The following AGFG1 variants were observed in gnomAD, a reference collection of about 807,000 sequenced individuals.
AGFG1 encodes the protein ArfGAP with FG repeats 1.
Under a neutral mutation model 60.6 loss-of-function variants are expected in AGFG1, and 10 were observed. The ratio of observed to expected loss-of-function variants is 0.16; its 90% confidence interval spans 0.10 to 0.28. The LOEUF is 0.28. Among genes scored for constraint, AGFG1 ranks in the 10% least tolerant of loss-of-function variants. The pLI is 1.00. For synonymous variants in AGFG1, 247 were observed against 242.9 expected, an observed-to-expected ratio of 1.02 and a Z score of -0.16; for missense variants, 537 against 676.5, an observed-to-expected ratio of 0.79 and a Z score of 2.29.
chr2:227,491,583 C>T lies in AGFG1; in HGVS notation c.204C>T (p.Ile68=). ...GLNPPHRVKS[I]SMTTFTQQEI... ...ATCCACCACACAGGGTGAAATCTAT[C>T]TCCATGACAACATTCACACAACAGG... Residue 68 remains isoleucine (I), a synonymous_variant, in exon 2 of 13, where the codon ATC becomes ATT. Coordinates refer to ENST00000310078, the MANE Select transcript of AGFG1 (RefSeq NM_004504.5). 1.3e-6 allele frequency: 2 copies of T among 1,565,828 alleles called. No homozygotes were observed. Among genetic ancestry groups the T allele is most frequent in the South Asian group, 1.2e-5 (1 of 80,306 alleles).
At chr2:227,472,985 CG>C (rs1299904378) in intron 1 of AGFG1, among the ~76,000 whole-genome samples, 38 of 64,722 alleles carry the variant, frequency 5.9e-4, no homozygotes, top group Admixed American at 2.6e-3. Flanking sequence ...GCTAGGAGGC[CG>C]GGGGGGAGGT....
At chr2:227,473,580 G>A (rs568271674) in intron 1 of AGFG1, among the ~76,000 whole-genome samples, 1 of 152,246 alleles carries the variant, frequency 6.6e-6, no homozygotes, top group Admixed American at 6.5e-5. Context: ...GATTTTTATT[G>A]CCGTGCAATT....
rs1232846429 is a variant in AGFG1, at chr2:227,560,277, A to G, written c.*5782A>G. 1 of 152,150 alleles carries G rather than the reference A, an allele frequency of 6.6e-6. No individual in the cohort carries two copies. Among genetic ancestry groups the G allele is most frequent in the Non-Finnish European group, 1.5e-5 (1 of 67,994 alleles). The allele number at this position is 152,150 out of a possible 1,614,324, so 9.4% of individuals were successfully genotyped here. A position where few individuals can be genotyped will look rare whatever the true frequency, so the allele number is the denominator to read the frequency against. On this transcript the variant is annotated 3_prime_UTR_variant, in exon 13 of 13. Transcript: ENST00000310078. ...CTAAAAATATTGTTATAATGATAAT[A>G]TCCTTATGCATATATGAAGATTACT... is the stretch of plus-strand genomic sequence containing the variant.
chr2:227,523,277 G>A (rs928679405), intron 3 of AGFG1, among the ~76,000 whole-genome samples: 2 of 152,000 alleles, frequency 1.3e-5, no homozygotes, highest in Non-Finnish European at 2.9e-5. Flanking sequence ...TGCTTCTTTT[G>A]TTCATTTAAA....
chr2:227,513,961 C>T (rs183587980), intron 2 of AGFG1, among the ~76,000 whole-genome samples: 8 of 152,238 alleles, frequency 5.3e-5, no homozygotes, highest in African/African-American at 1.4e-4. Context: ...ACACATGCTC[C>T]GTGATTCTAC....
chr2:227,541,576 CA>C (rs1437830386), intron 10 of AGFG1, among the ~76,000 whole-genome samples: 3 of 152,176 alleles, frequency 2.0e-5, no homozygotes, highest in Admixed American at 1.3e-4. Flanking sequence ...GTACCAGTAC[CA>C]TGCTGTTTTG....
chr2:227,560,888 C>G lies in AGFG1; in HGVS notation c.*6393C>G, dbSNP rs1233475958. 3 of 152,098 alleles carry G rather than the reference C, an allele frequency of 2.0e-5. No individual in the cohort carries two copies. The highest frequency in any genetic ancestry group is 7.2e-5 in the African/African-American group (3 of 41,442). The allele number at this position is 152,098 out of a possible 1,614,324, so 9.4% of individuals were successfully genotyped here. ...AAAAGTTTATTTTCAATGAAGAATA[C>G]TTGTCCTAATAGCTCATAAAAAGTA... On this transcript the variant is annotated 3_prime_UTR_variant, in exon 13 of 13. Coordinates refer to ENST00000310078, the MANE Select transcript of AGFG1 (RefSeq NM_004504.5).
chr2:227,527,382 T>C lies in AGFG1; in HGVS notation c.694+2467T>C, dbSNP rs115785836. Among the ~76,000 whole-genome samples the C allele has an allele frequency of 3.8e-3, 584 of 152,354 alleles. 3 individuals are homozygous for C. Among genetic ancestry groups the C allele is most frequent in the African/African-American group, 0.012 (494 of 41,594 alleles). ...ACATACGTATACACATATACACTTA[T>C]GTATGTATGTTTGTATGTTTACATG... is the stretch of plus-strand genomic sequence containing the variant. On this transcript the variant is annotated intron_variant, in intron 5 of 12. Coordinates refer to ENST00000310078, the MANE Select transcript of AGFG1 (RefSeq NM_004504.5).
chr2:227,537,900 G>T (rs2106226361), intron 10 of AGFG1, among the ~76,000 whole-genome samples: 1 of 152,154 alleles, frequency 6.6e-6, no homozygotes, highest in South Asian at 2.1e-4. Flanking sequence ...CTTTGTCATT[G>T]ACAAGATTAA....
intron 2 of AGFG1, among the ~76,000 whole-genome samples, chr2:227,503,006 G>T (rs888830956): frequency 6.6e-6 from 1 of 152,128 alleles, no homozygotes; most frequent in South Asian, 2.1e-4. Context: ...GCAGAGGTGG[G>T]CAGATGGCTT....
chr2:227,518,964 T>C (rs554721707), intron 2 of AGFG1, among the ~76,000 whole-genome samples: 77 of 152,088 alleles, frequency 5.1e-4, no homozygotes, highest in Non-Finnish European at 8.1e-4. Context: ...CTTGAGCTCA[T>C]GAGTTCGAGA....
At chr2:227,495,470 C>T (rs1035276893) in intron 2 of AGFG1, among the ~76,000 whole-genome samples, 11 of 150,280 alleles carry the variant, frequency 7.3e-5, no homozygotes, top group Admixed American at 7.3e-4. Flanking sequence ...TGCTTGAGCC[C>T]TGGAGTTCAA....
chr2:227,534,845 G>A lies in AGFG1; in HGVS notation c.1025G>A (p.Gly342Asp). ...NLDNIFSAGQ[G>D]GDQGSGFGTT... ...GTAACTTGATTTTGTTCGTTCCCAGGTGGTGATCAGGGAAGTGGCTTTGGG... is the reference window on the plus strand; with the variant it reads ...GTAACTTGATTTTGTTCGTTCCCAGATGGTGATCAGGGAAGTGGCTTTGGG... The change falls in exon 8 of 13, where the codon GGT (glycine) becomes GAT (aspartate). Residue 342 changes from glycine to aspartate, a missense_variant and splice_region_variant. Transcript: ENST00000310078. The A allele has an allele frequency of 6.2e-7, 1 of 1,612,012 alleles. No homozygotes were observed. Among genetic ancestry groups the A allele is most frequent in the Non-Finnish European group, 8.5e-7 (1 of 1,178,976 alleles).
At chr2:227,506,336 C>T (rs1691310971) in intron 2 of AGFG1, among the ~76,000 whole-genome samples, 1 of 152,090 alleles carries the variant, frequency 6.6e-6, no homozygotes, top group South Asian at 2.1e-4. Flanking sequence ...CCCATGCACA[C>T]ATAGGTCAGG....
At chr2:227,496,084 G>C (rs1690964727) in intron 2 of AGFG1, among the ~76,000 whole-genome samples, 1 of 148,802 alleles carries the variant, frequency 6.7e-6, no homozygotes, top group East Asian at 2.0e-4. Context: ...CTGCACTTCA[G>C]CCTGGGCAAC....
chr2:227,519,224 G>A (rs184501544), intron 2 of AGFG1, among the ~76,000 whole-genome samples: 20 of 152,262 alleles, frequency 1.3e-4, no homozygotes, highest in Admixed American at 3.9e-4. Flanking sequence ...TGAGTTGTAG[G>A]AATTCTTTAT....
At chr2:227,489,556 T>C (rs1690740680) in intron 1 of AGFG1, among the ~76,000 whole-genome samples, 1 of 152,136 alleles carries the variant, frequency 6.6e-6, no homozygotes, top group Non-Finnish European at 1.5e-5. Context: ...AAATTTCGGT[T>C]ACTTAGTTCT....
At chr2:227,473,992 A>G (rs796808847) in intron 1 of AGFG1, among the ~76,000 whole-genome samples, 48 of 152,328 alleles carry the variant, frequency 3.2e-4, no homozygotes, top group African/African-American at 1.1e-3. Flanking sequence ...GGCAAGTACT[A>G]TGCTGAACAT....
At chr2:227,492,469 A>G (rs1389615892) in intron 2 of AGFG1, among the ~76,000 whole-genome samples, 1 of 152,064 alleles carries the variant, frequency 6.6e-6, no homozygotes, top group Non-Finnish European at 1.5e-5. Flanking sequence ...CTTAATAAAC[A>G]TAAAGTAAGT....
Sources: gnomAD v4.1 joint callset for allele counts (sites outside exome capture counted in the v4.1 genomes callset) on GRCh38, gnomAD v4.1.1 for gene constraint, MANE v1.5 for transcripts, NCBI Gene and HGNC (gene_info 2026-07-23, HGNC 2026-07-21) for gene names.